SPOCK1: variants seen among roughly 807,000 people sequenced by gnomAD.
SPOCK1 encodes the protein SPARC (osteonectin), cwcv and kazal like domains proteoglycan 1.
A neutral mutation model predicts 55.3 loss-of-function variants in SPOCK1; 23 were observed. The ratio of observed to expected loss-of-function variants is 0.42; its 90% CI spans 0.30 to 0.59. SPOCK1 has a LOEUF of 0.59. Among genes scored for constraint, SPOCK1 ranks in the 20% least tolerant of loss-of-function variants. The pLI, the probability that SPOCK1 is intolerant of heterozygous loss-of-function variation, is 0.22. For missense variants in SPOCK1, 499 were observed against 552.5 expected (o/e 0.90, Z 0.97); for synonymous variants, 226 against 221.0 (o/e 1.02, Z -0.20).
intron 3 of SPOCK1, among the ~76,000 whole-genome samples, chr5:137,246,452 T>C (rs535265062): frequency 1.3e-5 from 2 of 152,336 alleles, no homozygotes; most frequent in Non-Finnish European, 2.9e-5. Flanking sequence ...CCTCCTGGAA[T>C]CAAACATAAC....
At chr5:137,103,078 C>T (rs1158239726) in intron 5 of SPOCK1, among the ~76,000 whole-genome samples, 2 of 152,076 alleles carry the variant, frequency 1.3e-5, no homozygotes, top group Admixed American at 6.6e-5. Context: ...GCAACCTCTG[C>T]CTCCCAGGTT....
intron 2 of SPOCK1, among the ~76,000 whole-genome samples, chr5:137,318,151 A>G (rs992926161): frequency 2.0e-5 from 3 of 152,168 alleles, no homozygotes; most frequent in Non-Finnish European, 4.4e-5. Flanking sequence ...CAAAGACCAC[A>G]TAAATATGTA....
intron 3 of SPOCK1, among the ~76,000 whole-genome samples, chr5:137,166,150 G>A (rs547360639): frequency 7.2e-5 from 11 of 152,056 alleles, no homozygotes; most frequent in Non-Finnish European, 5.9e-5. Flanking sequence ...AGGATAAAGA[G>A]ATGATCCTAA....
chr5:137,489,100 A>G (rs577733257), intron 2 of SPOCK1, among the ~76,000 whole-genome samples: 70 of 152,260 alleles, frequency 4.6e-4, no homozygotes, highest in African/African-American at 1.6e-3. Context: ...ATCTTCCCCA[A>G]AAAGAAACCA....
chr5:137,107,738 G>A (rs1193021908), intron 5 of SPOCK1, among the ~76,000 whole-genome samples: 1 of 152,152 alleles, frequency 6.6e-6, no homozygotes, highest in Non-Finnish European at 1.5e-5. Flanking sequence ...GAAGCAGAAG[G>A]AAAGCTTGTT....
At chr5:137,318,605 G>T (rs1392873737) in intron 2 of SPOCK1, among the ~76,000 whole-genome samples, 2 of 152,136 alleles carry the variant, frequency 1.3e-5, no homozygotes. Flanking sequence ...TGGCCAAGTG[G>T]GTTTGAAGTG....
At chr5:137,147,351 A>G (rs1322688040) in intron 3 of SPOCK1, among the ~76,000 whole-genome samples, 1 of 152,230 alleles carries the variant, frequency 6.6e-6, no homozygotes, top group Non-Finnish European at 1.5e-5. Flanking sequence ...AGGGAAAATT[A>G]TAACACTTTG....
intron 6 of SPOCK1, among the ~76,000 whole-genome samples, chr5:136,998,772 A>C (rs1339580025): frequency 6.6e-6 from 1 of 152,214 alleles, no homozygotes. Context: ...TGCCTGTGTC[A>C]CATGTGTGGC....
rs563228227 is a variant in SPOCK1 at position 137,336,524 on chromosome 5, G to A, written c.187-69469C>T. Among the ~76,000 whole-genome samples, 5 of 152,356 alleles carry A rather than the reference G, an allele frequency of 3.3e-5. No homozygotes were observed. The East Asian group carries it at 9.6e-4, about 29-fold the overall frequency. On this transcript the variant is annotated intron_variant, in intron 2 of 10. Coordinates refer to ENST00000394945, the MANE Select transcript of SPOCK1 (RefSeq NM_004598.4). ...GCTGCCAATGTACCTGGTAAAGCAG[G>A]TAAATCCAGGCTCAGGAAAGAGCAG...
intron 2 of SPOCK1, among the ~76,000 whole-genome samples, chr5:137,420,322 G>A (rs1752458622): frequency 6.6e-6 from 1 of 152,218 alleles, no homozygotes; most frequent in Non-Finnish European, 1.5e-5. Flanking sequence ...AAATGAGTTA[G>A]GGAGGATTTC....
intron 2 of SPOCK1, among the ~76,000 whole-genome samples, chr5:137,485,421 G>C (rs779232958): frequency 2.3e-4 from 35 of 152,120 alleles, no homozygotes; most frequent in Admixed American, 5.9e-4. Flanking sequence ...CTCAATCAGT[G>C]AATCAAAAAA....
chr5:137,225,414 G>C (rs1755927467), intron 3 of SPOCK1, among the ~76,000 whole-genome samples: 1 of 152,138 alleles, frequency 6.6e-6, no homozygotes, highest in South Asian at 2.1e-4. Context: ...AAAATTGTTA[G>C]CTATTGTCAT....
intron 2 of SPOCK1, among the ~76,000 whole-genome samples, chr5:137,328,718 T>C (rs1337047934): frequency 6.6e-6 from 1 of 152,158 alleles, no homozygotes; most frequent in South Asian, 2.1e-4. Flanking sequence ...CCTGCTGAGA[T>C]AGCTGAAGCT....
chr5:137,248,278 T>C (rs551197885), intron 3 of SPOCK1, among the ~76,000 whole-genome samples: 1 of 152,368 alleles, frequency 6.6e-6, no homozygotes, highest in South Asian at 2.1e-4. Flanking sequence ...CCTGATATTA[T>C]AAAGCCTTAA....
At chr5:137,298,919 G>A (rs975588977) in intron 2 of SPOCK1, among the ~76,000 whole-genome samples, 4 of 151,990 alleles carry the variant, frequency 2.6e-5, no homozygotes, top group Non-Finnish European at 5.9e-5. Context: ...ACATTTAGGT[G>A]TCCTCCCTTT....
chr5:137,081,534 C>T (rs1420660337), intron 5 of SPOCK1, among the ~76,000 whole-genome samples: 5 of 152,166 alleles, frequency 3.3e-5, no homozygotes, highest in Non-Finnish European at 5.9e-5. Flanking sequence ...GCACTTCAGC[C>T]CAATTTCTTC....
At position 137,300,777 on chromosome 5, in the gene SPOCK1, C is replaced by T. The variant is rs115345649; in HGVS notation, c.187-33722G>A. Among the ~76,000 whole-genome samples, 890 of 152,224 alleles carry T rather than the reference C, an allele frequency of 5.8e-3. 8 individuals carry two copies. Among genetic ancestry groups the T allele is most frequent in the African/African-American group, 0.021 (860 of 41,526 alleles). On this transcript the variant is annotated intron_variant, in intron 2 of 10. Transcript: ENST00000394945. ...AGTTGTTCTAGCAGTTCTTAACTGC[C>T]TCCTCCAATTCTGAAACCCAGTTGT...
intron 2 of SPOCK1, chr5:137,365,488 C>G (rs1419993430): frequency 6.6e-6 from 1 of 152,218 alleles, no homozygotes; most frequent in Admixed American, 6.5e-5. Flanking sequence ...ATAGAGGACT[C>G]TGAGAAATTG....
chr5:137,101,531 CTT>C (rs1753264203), intron 5 of SPOCK1, among the ~76,000 whole-genome samples: 1 of 152,228 alleles, frequency 6.6e-6, no homozygotes, highest in South Asian at 2.1e-4. Flanking sequence ...TTCTTCAAAT[CTT>C]GGTTAAATGC....
Sources: allele counts gnomAD v4.1 joint callset (sites outside exome capture counted in the v4.1 genomes callset), GRCh38; gene constraint gnomAD v4.1.1; transcripts MANE v1.5; gene names NCBI Gene and HGNC (gene_info 2026-07-23, HGNC 2026-07-21).